The following ARHGEF37 variants were observed in gnomAD, a reference collection of about 807,000 sequenced individuals.
ARHGEF37 encodes Rho guanine nucleotide exchange factor (GEF) 37.
Under a neutral mutation model 71.1 loss-of-function variants are expected in ARHGEF37, and 55 were observed. That is an observed-to-expected ratio of 0.77 (90% CI 0.62 to 0.97). The LOEUF is 0.97. Among genes scored for constraint, ARHGEF37 ranks in the 50% least tolerant of loss-of-function variants. The probability of loss-of-function intolerance (pLI) is 0.00; values close to 1 mark genes in which losing one functional copy is unlikely to be tolerated. For missense variants in ARHGEF37, 765 were observed against 836.8 expected (o/e 0.91, Z 1.06); for synonymous variants, 327 against 350.6 (o/e 0.93, Z 0.75).
In ARHGEF37 at chr5:149,632,430, C is replaced by T. The variant is rs995008129; in HGVS notation, c.*239C>T. The T allele has an allele frequency of 2.1e-5, 11 of 534,316 alleles. No homozygotes were observed. Among genetic ancestry groups the T allele is most frequent in the African/African-American group, 1.3e-4 (7 of 52,810 alleles). The allele number at this position is 534,316 out of a possible 1,614,324, so 33.1% of individuals were successfully genotyped here. On this transcript the variant is annotated 3_prime_UTR_variant, in exon 13 of 13. Coordinates refer to ENST00000333677, the MANE Select transcript of ARHGEF37 (RefSeq NM_001001669.3). ...TTATGTCTGCATAAAGAACTCATTCCGACCTGGGGTCACAATGCACTTGGA... is the reference window on the plus strand; with the variant it reads ...TTATGTCTGCATAAAGAACTCATTCTGACCTGGGGTCACAATGCACTTGGA...
intron 10 of ARHGEF37, among the ~76,000 whole-genome samples, chr5:149,625,435 G>A (rs1374138278): frequency 6.6e-6 from 1 of 152,128 alleles, no homozygotes; most frequent in African/African-American, 2.4e-5. Context: ...AGATTCCCCA[G>A]AGGGAGAATG....
intron 3 of ARHGEF37, chr5:149,606,815 A>G (rs1404095659): frequency 6.6e-6 from 1 of 152,240 alleles, no homozygotes; most frequent in African/African-American, 2.4e-5. Flanking sequence ...TCCTGCAACC[A>G]TCAGAATAAA....
rs775205811 is a variant in ARHGEF37, at chr5:149,627,251, G to T, written c.1640G>T (p.Arg547Leu). Reference sequence around the variant, plus strand: ...AAGGACACCAAAGGCAACAGCGGCCGCTGGCTGGTGGACACCGGGGGTACG... The same window carrying T: ...AAGGACACCAAAGGCAACAGCGGCCTCTGGCTGGTGGACACCGGGGGTACG... ...QNKDTKGNSG[R>L]WLVDTGGHRG... The change falls in exon 11 of 13, where the codon CGC becomes CTC. Residue 547 changes from arginine to leucine, a missense_variant. Arg to Leu is a moderately radical substitution (Grantham distance 102, BLOSUM62 -2). Transcript: ENST00000333677. 6.2e-7 allele frequency: 1 copy of T among 1,613,726 alleles called. No individual in the cohort carries two copies. Among genetic ancestry groups the T allele is most frequent in the East Asian group, 2.2e-5 (1 of 44,862 alleles).
intron 10 of ARHGEF37, among the ~76,000 whole-genome samples, chr5:149,626,424 G>A (rs893929457): frequency 6.6e-5 from 10 of 152,156 alleles, no homozygotes; most frequent in Admixed American, 4.6e-4. Context: ...TGGAAAAACA[G>A]GAAATGCCAG....
intron 7 of ARHGEF37, among the ~76,000 whole-genome samples, chr5:149,619,405 T>C (rs1752471024): frequency 6.6e-6 from 1 of 152,264 alleles, no homozygotes; most frequent in East Asian, 1.9e-4. Context: ...GGCAATCCAA[T>C]GCAATAGGAG....
chr5:149,568,416 A>G (rs11949432), intron 1 of ARHGEF37, among the ~76,000 whole-genome samples: 1 of 152,308 alleles, frequency 6.6e-6, no homozygotes, highest in African/African-American at 2.4e-5. Flanking sequence ...TTAAAATTCA[A>G]TATTTATTTA....
chr5:149,598,358 T>C (rs891834591), intron 2 of ARHGEF37, among the ~76,000 whole-genome samples: 5 of 67,468 alleles, frequency 7.4e-5, no homozygotes, highest in Non-Finnish European at 1.2e-4. Context: ...TTCTTCTTCC[T>C]CTTCCTCTTC....
At position 149,619,142 on chromosome 5, in the gene ARHGEF37, T is replaced by G. The variant is rs1050750184; in HGVS notation, c.894+100T>G. 7.5e-6 allele frequency: 7 copies of G among 936,774 alleles called. No individual in the cohort carries two copies. The African/African-American group carries it at 1.1e-4, about 15-fold the overall frequency. The allele number at this position is 936,774 out of a possible 1,614,324, so 58.0% of individuals were successfully genotyped here. A position where few individuals can be genotyped will look rare whatever the true frequency, so the allele number is the denominator to read the frequency against. On this transcript the variant is annotated intron_variant, in intron 7 of 12. Coordinates refer to ENST00000333677, the MANE Select transcript of ARHGEF37 (RefSeq NM_001001669.3). Reference sequence around the variant, plus strand: ...CTACAAGCTGGGAAAGGCACCAGCCTCAGAAACCAACCAGATGAGGTCATC... The same window carrying G: ...CTACAAGCTGGGAAAGGCACCAGCCGCAGAAACCAACCAGATGAGGTCATC...
chr5:149,589,124 G>C (rs1354068968), intron 1 of ARHGEF37, among the ~76,000 whole-genome samples: 1 of 151,952 alleles, frequency 6.6e-6, no homozygotes, highest in African/African-American at 2.4e-5. Flanking sequence ...AGCTATGTGG[G>C]AGGATTGCTT....
rs145012904 is a variant in ARHGEF37, at chr5:149,627,267, C to T, written c.1656C>T (p.Thr552=). ...ACAGCGGCCGCTGGCTGGTGGACAC[C>T]GGGGGTACGTGAGCCTTTGGGAGCC... ...KGNSGRWLVD[T]GGHRGYVPAG... Residue 552 remains threonine, a synonymous_variant, in exon 11 of 13, where the codon ACC becomes ACT. Transcript: ENST00000333677. 3.6e-3 allele frequency: 5,761 copies of T among 1,613,046 alleles called. 13 individuals are homozygous for T. The highest frequency in any genetic ancestry group is 0.01 in the African/African-American group (783 of 75,036).
chr5:149,625,033 G>C (rs963526443), intron 10 of ARHGEF37, among the ~76,000 whole-genome samples: 2 of 151,198 alleles, frequency 1.3e-5, no homozygotes, highest in Non-Finnish European at 2.9e-5. Flanking sequence ...CGAGTAGCTG[G>C]GATTACAGGC....
In ARHGEF37 at chr5:149,618,226, C is replaced by T. The variant is rs752514789; in HGVS notation, c.709C>T (p.Arg237Cys). ...EQLTLRERLA[R>C]INTHTLSKKT... ...GCTGACCCTCCGGGAGCGGCTGGCC[C>T]GCATCAACACACACACCCTCTCCAA... Residue 237 changes from arginine to cysteine, a missense_variant, in exon 6 of 13, where the codon CGC (arginine) becomes TGC (cysteine). Around this residue, in one of 5 missense-constraint regions of ARHGEF37, gnomAD observed 167 missense variants for 173.3 expected, o/e 0.96. Coordinates refer to ENST00000333677, the MANE Select transcript of ARHGEF37 (RefSeq NM_001001669.3). The T allele has an allele frequency of 7.4e-6, 12 of 1,614,088 alleles. No homozygotes were observed. Among genetic ancestry groups the T allele is most frequent in the Middle Eastern group, 3.3e-4 (2 of 6,084 alleles).
Position 149,627,191 on chromosome 5 carries a change from T to G in ARHGEF37, c.1580T>G (p.Leu527Arg). Residue 527 changes from leucine (L) to arginine (R), a missense_variant, in exon 11 of 13, where the codon CTG becomes CGG. Physicochemically the swap from Leu to Arg is moderately radical, Grantham distance 102 (BLOSUM62 -2). Coordinates refer to ENST00000333677, the MANE Select transcript of ARHGEF37 (RefSeq NM_001001669.3). ...ISGTGTLDLT[L>R]PRGQIVAILQ... ...GGGACTGGGACTCTGGACCTGACTC[T>G]GCCTCGGGGCCAAATCGTGGCCATC... The G allele has an allele frequency of 6.2e-7, 1 of 1,614,152 alleles. No homozygotes were observed. Among genetic ancestry groups the G allele is most frequent in the South Asian group, 1.1e-5 (1 of 91,090 alleles).
At chr5:149,563,759 C>T (rs910426229) in intron 1 of ARHGEF37, among the ~76,000 whole-genome samples, 6 of 152,008 alleles carry the variant, frequency 3.9e-5, no homozygotes, top group East Asian at 1.9e-4. Context: ...CTGGTATCTT[C>T]GTGTAGAAGA....
At chr5:149,600,594 C>A (rs1763722008) in intron 2 of ARHGEF37, among the ~76,000 whole-genome samples, 2 of 152,094 alleles carry the variant, frequency 1.3e-5, no homozygotes, top group South Asian at 4.2e-4. Flanking sequence ...TTCTTCCCCA[C>A]TGAGTACTCC....
chr5:149,629,344 G>A (rs1561812572), intron 12 of ARHGEF37, among the ~76,000 whole-genome samples: 1 of 152,204 alleles, frequency 6.6e-6, no homozygotes, highest in Non-Finnish European at 1.5e-5. Flanking sequence ...TGAGAGTAGG[G>A]AAAACAGTGA....
Position 149,609,721 on chromosome 5 carries a change from C to A in ARHGEF37, c.458+26C>A, listed in dbSNP as rs770810536. 4 of 1,611,420 alleles carry A rather than the reference C, an allele frequency of 2.5e-6. No individual in the cohort carries two copies. The South Asian group carries it at 4.4e-5, about 18-fold the overall frequency. ...GTGAGTAGAACGGCCAGTGAGCACT[C>A]GCTCCTACCCCACTGACCCGGTTCA... On this transcript the variant is annotated intron_variant, in intron 4 of 12. Transcript: ENST00000333677.
chr5:149,621,714 C>G lies in ARHGEF37; in HGVS notation c.1006-19C>G. On this transcript the variant is annotated intron_variant, in intron 8 of 12. Transcript: ENST00000333677. Reference sequence around the variant, plus strand: ...TTGCCACCTCCTTTCCCGACTCCCACGCTCATGTCTCCCCACAGAAGCAAC... The same window carrying G: ...TTGCCACCTCCTTTCCCGACTCCCAGGCTCATGTCTCCCCACAGAAGCAAC... 1 of 1,596,936 alleles carries G rather than the reference C, an allele frequency of 6.3e-7. No homozygotes were observed. Among genetic ancestry groups the G allele is most frequent in the South Asian group, 1.1e-5 (1 of 88,472 alleles).
At chr5:149,586,515 G>A (rs113089720) in intron 1 of ARHGEF37, among the ~76,000 whole-genome samples, 2,829 of 152,236 alleles carry the variant, frequency 0.019, 41 homozygotes, top group Non-Finnish European at 0.029. Flanking sequence ...CACCTGCCTC[G>A]GCCTCCCGAA....
Sources: allele counts gnomAD v4.1 joint callset (sites outside exome capture counted in the v4.1 genomes callset), GRCh38; gene constraint gnomAD v4.1.1; regional missense constraint gnomAD v4.1.1; transcripts MANE v1.5; gene names NCBI Gene and HGNC (gene_info 2026-07-23, HGNC 2026-07-21).